CCDC73: variants seen among roughly 807,000 people sequenced by gnomAD.
The protein encoded by CCDC73 is coiled-coil domain-containing protein 73.
Under a neutral mutation model 116.5 loss-of-function variants are expected in CCDC73, and 95 were observed. The observed-to-expected ratio is 0.82, with a 90% CI of 0.69 to 0.97. The LOEUF is 0.97. Ranked by LOEUF, CCDC73 falls within the 50% of genes least tolerant of loss-of-function variation. The pLI, the probability that CCDC73 is intolerant of heterozygous loss-of-function variation, is 0.00. For missense variants in CCDC73, 1,066 were observed against 1,206.8 expected (o/e 0.88, Z 1.73); for synonymous variants, 398 against 401.3 (o/e 0.99, Z 0.10).
intron 1 of CCDC73, among the ~76,000 whole-genome samples, chr11:32,778,313 A>G (rs1375078681): frequency 6.6e-6 from 1 of 152,210 alleles, no homozygotes; most frequent in Non-Finnish European, 1.5e-5. Flanking sequence ...ACACATTAAC[A>G]TGAGCATGCA....
chr11:32,770,740 GA>G (rs1850486872), intron 1 of CCDC73, among the ~76,000 whole-genome samples: 1 of 152,184 alleles, frequency 6.6e-6, no homozygotes, highest in African/African-American at 2.4e-5. Context: ...CAGAATACTG[GA>G]AGTGTAAACT....
intron 1 of CCDC73, among the ~76,000 whole-genome samples, chr11:32,763,111 G>A (rs1293279669): frequency 6.6e-6 from 1 of 152,196 alleles, no homozygotes; most frequent in South Asian, 2.1e-4. Flanking sequence ...AACCCAAACT[G>A]GGTGGAGCCC....
At chr11:32,666,920 T>A (rs1855988590) in intron 9 of CCDC73, among the ~76,000 whole-genome samples, 1 of 152,106 alleles carries the variant, frequency 6.6e-6, no homozygotes, top group Non-Finnish European at 1.5e-5. Context: ...TTGCTGGAGG[T>A]CCACTCCAGA....
At chr11:32,663,540 A>G (rs1855950613) in intron 9 of CCDC73, among the ~76,000 whole-genome samples, 1 of 152,292 alleles carries the variant, frequency 6.6e-6, no homozygotes, top group East Asian at 1.9e-4. Flanking sequence ...GTATCCTGAG[A>G]CTTTGCTGAA....
At chr11:32,752,111 G>A (rs1850291834) in intron 2 of CCDC73, among the ~76,000 whole-genome samples, 2 of 152,140 alleles carry the variant, frequency 1.3e-5, no homozygotes, top group Admixed American at 1.3e-4. Flanking sequence ...GCTTCCAAGA[G>A]GATCTGTTCT....
chr11:32,763,737 G>T (rs544918138), intron 1 of CCDC73, among the ~76,000 whole-genome samples: 1 of 152,194 alleles, frequency 6.6e-6, no homozygotes, highest in Non-Finnish European at 1.5e-5. Flanking sequence ...GCAGCTCCTC[G>T]CCAGCAAAGG....
intron 14 of CCDC73, among the ~76,000 whole-genome samples, chr11:32,631,396 C>T (rs1242609587): frequency 6.6e-6 from 1 of 152,086 alleles, no homozygotes; most frequent in Non-Finnish European, 1.5e-5. Flanking sequence ...TGTTCCCTGA[C>T]CAAAACCAAA....
chr11:32,809,457 T>C, the CCDC73 span, among the ~76,000 whole-genome samples: 1 of 152,228 alleles, frequency 6.6e-6, no homozygotes, highest in Non-Finnish European at 1.5e-5. Flanking sequence ...GTAGACTTGC[T>C]GTCTTGAGCA....
At chr11:32,784,839 TAGACTA>T (rs1195070580) in intron 1 of CCDC73, among the ~76,000 whole-genome samples, 3 of 152,224 alleles carry the variant, frequency 2.0e-5, no homozygotes, top group African/African-American at 7.2e-5. Flanking sequence ...ACAGAACCCT[TAGACTA>T]AGATATATGA....
intron 4 of CCDC73, among the ~76,000 whole-genome samples, chr11:32,701,171 A>C (rs1849807614): frequency 6.6e-6 from 1 of 152,182 alleles, no homozygotes; most frequent in South Asian, 2.1e-4. Context: ...TTAGCAATTT[A>C]ATCACACTGA....
chr11:32,698,226 G>A (rs984841025), intron 6 of CCDC73, among the ~76,000 whole-genome samples: 3 of 151,270 alleles, frequency 2.0e-5, no homozygotes, highest in Non-Finnish European at 2.9e-5. Context: ...GGGTTTCACC[G>A]TGTTAGCCAG....
intron 2 of CCDC73, among the ~76,000 whole-genome samples, chr11:32,727,723 C>G (rs1350401422): frequency 1.3e-5 from 2 of 152,218 alleles, no homozygotes; most frequent in African/African-American, 4.8e-5. Context: ...AGGCACCCAC[C>G]ACCACGTCCG....
At chr11:32,755,617 GTATA>G (rs1164612755) in intron 2 of CCDC73, among the ~76,000 whole-genome samples, 1 of 61,902 alleles carries the variant, frequency 1.6e-5, no homozygotes, top group South Asian at 6.2e-4. Context: ...ATATGTGTGT[GTATA>G]TATATATCTC....
intron 2 of CCDC73, among the ~76,000 whole-genome samples, chr11:32,752,508 A>G (rs1368081175): frequency 7.9e-5 from 12 of 152,216 alleles, no homozygotes; most frequent in Admixed American, 7.9e-4. Context: ...ATCTATATTA[A>G]TTTACATCAA....
chr11:32,772,885 C>A (rs1032715815), intron 1 of CCDC73, among the ~76,000 whole-genome samples: 1 of 152,092 alleles, frequency 6.6e-6, no homozygotes, highest in African/African-American at 2.4e-5. Flanking sequence ...CAGAAAACAG[C>A]CCAGGTAGTT....
At chr11:32,603,181 T>G (rs913985653) in intron 17 of CCDC73, 161 bp from the exon 18 acceptor site, 19 of 577,304 alleles carry the variant, frequency 3.3e-5, no homozygotes, top group Non-Finnish European at 5.1e-5. Flanking sequence ...ACAATGTGAA[T>G]GTGTAGGCTT....
Position 32,654,959 on chromosome 11 carries a change from G to T in CCDC73, c.659C>A (p.Ala220Glu). ...TTTGGACTTTATCAAGTCTGAGGCT[G>T]CTTTTTTTAGTTCCTTAATAAGAAA... ...ICSLKKELKK[A>E]ASDLIKSKVT... Residue 220 changes from alanine (A) to glutamate (E), a missense_variant, in exon 10 of 18, where the codon GCA becomes GAA. Transcript: ENST00000335185. The T allele has an allele frequency of 1.3e-6, 2 of 1,588,952 alleles. No individual in the cohort carries two copies. Among genetic ancestry groups the T allele is most frequent in the South Asian group, 1.2e-5 (1 of 84,842 alleles).
chr11:32,792,275 A>G lies in CCDC73; in HGVS notation c.-16+2338T>C, dbSNP rs532742914. Among the ~76,000 whole-genome samples the G allele has an allele frequency of 9.2e-5, 14 of 152,164 alleles. No individual in the cohort carries two copies. The South Asian group carries it at 2.9e-3, about 32-fold the overall frequency. On this transcript the variant is annotated intron_variant, in intron 1 of 17. Coordinates refer to ENST00000335185, the MANE Select transcript of CCDC73 (RefSeq NM_001008391.4). ...GGTCTTGACCAGAATTTTTTTTTTA[A>G]TGAAAGGCTAGACTAGTAAAAAATA...
rs748267904 is a variant in CCDC73 at position 32,791,737 on chromosome 11, G to C, written c.-16+2876C>G. The stretch of plus-strand genomic sequence containing the variant: ...GGAGGCCGAGGCAGTGCAATTGCTC[G>C]AGCTCAGGAGCTCAAGACCTCAAGA... On this transcript the variant is annotated intron_variant, in intron 1 of 17. Coordinates refer to ENST00000335185, the MANE Select transcript of CCDC73 (RefSeq NM_001008391.4). 3.9e-5 allele frequency among the ~76,000 whole-genome samples: 6 copies of C among 152,120 alleles called. No individual in the cohort carries two copies. In the South Asian group the frequency reaches 1.0e-3, roughly 26 times the overall value.
Sources: gnomAD v4.1 joint callset for allele counts (sites outside exome capture counted in the v4.1 genomes callset) on GRCh38, gnomAD v4.1.1 for gene constraint, MANE v1.5 for transcripts, NCBI Gene and HGNC (gene_info 2026-07-23, HGNC 2026-07-21) for gene names.